MTHFD1L: variants seen among roughly 807,000 people sequenced by gnomAD.
MTHFD1L encodes the protein monofunctional C1-tetrahydrofolate synthase, mitochondrial.
MTHFD1L carries 81 observed loss-of-function variants against 119.5 expected under a neutral mutation model. The observed-to-expected ratio is 0.68, with a 90% CI of 0.57 to 0.82. The LOEUF (loss-of-function observed/expected upper bound fraction) is 0.82, where lower values mean the gene tolerates loss of function less well. Among genes scored for constraint, MTHFD1L ranks in the 40% least tolerant of loss-of-function variants. MTHFD1L has a pLI of 0.00. For missense variants in MTHFD1L, 1,125 were observed against 1,253.4 expected, an observed-to-expected ratio of 0.90 and a Z score of 1.55; for synonymous variants, 430 against 475.2, an observed-to-expected ratio of 0.90 and a Z score of 1.24.
At chr6:150,959,395 A>G (rs1583804926) in intron 17 of MTHFD1L, among the ~76,000 whole-genome samples, 1 of 152,244 alleles carries the variant, frequency 6.6e-6, no homozygotes, top group African/African-American at 2.4e-5. Flanking sequence ...GGTTCTGTCC[A>G]GAGAAACATT....
At chr6:150,977,591 C>A (rs1416192779) in intron 20 of MTHFD1L, among the ~76,000 whole-genome samples, 1 of 152,168 alleles carries the variant, frequency 6.6e-6, no homozygotes, top group Admixed American at 6.6e-5. Context: ...AAGGAAAAAG[C>A]AGTATTGAGT....
At chr6:150,912,525 AT>A in intron 8 of MTHFD1L, 1 of 273,290 alleles carries the variant, frequency 3.7e-6, no homozygotes. Context: ...AGGCTGAAGA[AT>A]TTTCCTGCAT....
chr6:151,045,097 T>A (rs1464512154), intron 26 of MTHFD1L, among the ~76,000 whole-genome samples: 2 of 152,168 alleles, frequency 1.3e-5, no homozygotes, highest in Non-Finnish European at 2.9e-5. Flanking sequence ...GTACCGGCCC[T>A]ACTTAGGGAT....
chr6:151,023,932 A>G (rs1784297143), intron 24 of MTHFD1L, among the ~76,000 whole-genome samples: 1 of 152,096 alleles, frequency 6.6e-6, no homozygotes, highest in African/African-American at 2.4e-5. Context: ...CACTTTCTCA[A>G]TCTAAAAGCA....
At chr6:151,012,019 CAAA>C (rs1043831602) in intron 21 of MTHFD1L, among the ~76,000 whole-genome samples, 41 of 58,802 alleles carry the variant, frequency 7.0e-4, no homozygotes, top group South Asian at 2.0e-3. Context: ...ACAACAACAA[CAAA>C]AAAAAAAAAA....
chr6:150,961,565 T>C (rs77939987), intron 18 of MTHFD1L, among the ~76,000 whole-genome samples: 94 of 152,342 alleles, frequency 6.2e-4, no homozygotes, highest in African/African-American at 2.1e-3. Context: ...AAATGCACAC[T>C]GGTGATTGGT....
chr6:150,926,368 T>C lies in MTHFD1L; in HGVS notation c.1256+73T>C. 7.6e-7 allele frequency: 1 copy of C among 1,307,344 alleles called. No individual in the cohort carries two copies. Among genetic ancestry groups the C allele is most frequent in the Non-Finnish European group, 1.1e-6 (1 of 934,154 alleles). 81.0% of individuals were successfully genotyped at this position (1,307,344 alleles called of 1,614,324 possible). On this transcript the variant is annotated intron_variant, in intron 11 of 27. Transcript: ENST00000367321. The surrounding 1 kb of genome is among the most constrained non-coding windows in gnomAD (Gnocchi z 4.3). ...AACTCTTCCCTATTTATCTCTCTCC[T>C]CGTACCCCTCAATCCATCCTATTCT...
rs115148736 is a variant in MTHFD1L, at chr6:151,017,823, G to A, written c.2586+2130G>A. Among the ~76,000 whole-genome samples, 1,063 of 139,046 alleles carry A rather than the reference G, an allele frequency of 7.6e-3. 9 individuals are homozygous for A. Among genetic ancestry groups the A allele is most frequent in the African/African-American group, 0.029 (967 of 33,726 alleles). The allele number at this position is 139,046 out of a possible 152,430, so 91.2% of individuals were successfully genotyped here. A position where few individuals can be genotyped will look rare whatever the true frequency, so the allele number is the denominator to read the frequency against. ...TATGTACAAGTATCCCTTCAAGACCGTGTTTTCTTTTTTTTTTTTTTTTTT... is the reference window on the plus strand; with the variant it reads ...TATGTACAAGTATCCCTTCAAGACCATGTTTTCTTTTTTTTTTTTTTTTTT... On this transcript the variant is annotated intron_variant, in intron 24 of 27. Coordinates refer to ENST00000367321, the MANE Select transcript of MTHFD1L (RefSeq NM_015440.5).
At chr6:150,988,404 CGTTTT>C (rs1562500338) in intron 20 of MTHFD1L, among the ~76,000 whole-genome samples, 271 of 152,210 alleles carry the variant, frequency 1.8e-3, no homozygotes, top group African/African-American at 6.2e-3. Context: ...TATATGAGGT[CGTTTT>C]AAAGTTTTTA....
chr6:150,912,079 G>C (rs1737913), intron 8 of MTHFD1L, among the ~76,000 whole-genome samples: 10,237 of 152,114 alleles, frequency 0.067, 484 homozygotes, highest in South Asian at 0.12. Context: ...CATGAGAACA[G>C]CACCAATGGG....
At chr6:150,952,831 T>C (rs1448653348) in intron 16 of MTHFD1L, among the ~76,000 whole-genome samples, 1 of 152,182 alleles carries the variant, frequency 6.6e-6, no homozygotes, top group African/African-American at 2.4e-5. Flanking sequence ...TCCAGCAGAT[T>C]GTTTCATCTT....
intron 1 of MTHFD1L, among the ~76,000 whole-genome samples, chr6:150,869,714 T>C (rs1779075899): frequency 6.6e-6 from 1 of 151,948 alleles, no homozygotes; most frequent in Non-Finnish European, 1.5e-5. Flanking sequence ...AGCCCTGAAT[T>C]GATTCTCCGA....
intron 26 of MTHFD1L, among the ~76,000 whole-genome samples, chr6:151,068,687 A>T (rs1304883111): frequency 6.6e-6 from 1 of 152,222 alleles, no homozygotes; most frequent in African/African-American, 2.4e-5. Flanking sequence ...TATGAATTGA[A>T]TAAATTTTTT....
chr6:150,941,296 G>C (rs556970526), intron 13 of MTHFD1L, among the ~76,000 whole-genome samples: 3 of 152,254 alleles, frequency 2.0e-5, no homozygotes, highest in South Asian at 4.2e-4. Flanking sequence ...GCGGGAGTTG[G>C]GGGGGTTGAG....
intron 20 of MTHFD1L, among the ~76,000 whole-genome samples, chr6:150,993,162 T>G (rs769266940): frequency 1.4e-4 from 22 of 152,230 alleles, no homozygotes; most frequent in Non-Finnish European, 8.8e-5. Flanking sequence ...TAGATTGTTT[T>G]TACTTTTCAG....
intron 17 of MTHFD1L, among the ~76,000 whole-genome samples, chr6:150,956,375 G>A (rs1795648131): frequency 6.6e-6 from 1 of 152,010 alleles, no homozygotes; most frequent in Admixed American, 6.6e-5. Context: ...ATTTTATTGG[G>A]AACCATCCAG....
chr6:151,007,311 C>T (rs1231686713), intron 20 of MTHFD1L, among the ~76,000 whole-genome samples: 1 of 151,784 alleles, frequency 6.6e-6, no homozygotes, highest in Admixed American at 6.6e-5. Context: ...TCTCCCACTT[C>T]CCTGCAGGGC....
intron 27 of MTHFD1L, 114 bp downstream of exon 27, chr6:151,092,701 C>T (rs956061097): frequency 6.1e-5 from 39 of 635,204 alleles, no homozygotes; most frequent in Non-Finnish European, 9.2e-5. Flanking sequence ...CCTTTCCTTC[C>T]TTTGTTACTC....
At chr6:151,005,037 A>G (rs1781192376) in intron 20 of MTHFD1L, among the ~76,000 whole-genome samples, 1 of 151,626 alleles carries the variant, frequency 6.6e-6, no homozygotes, top group South Asian at 2.1e-4. Flanking sequence ...TTTGGCCTGT[A>G]TCTCTTTTAA....
Sources: gnomAD v4.1 joint callset for allele counts (sites outside exome capture counted in the v4.1 genomes callset) on GRCh38, gnomAD v4.1.1 for gene constraint, Gnocchi (gnomAD v3.1) non-coding constraint, MANE v1.5 for transcripts, NCBI Gene and HGNC (gene_info 2026-07-23, HGNC 2026-07-21) for gene names.